NEDD4: variants seen among roughly 807,000 people sequenced by gnomAD.
NEDD4 encodes NEDD4 E3 ubiquitin protein ligase.
Under a neutral mutation model 144.9 loss-of-function variants are expected in NEDD4, and 99 were observed. The observed-to-expected ratio is 0.68, with a 90% CI of 0.58 to 0.81. NEDD4 has a LOEUF of 0.81. NEDD4 is among the 30% of genes least tolerant of loss of function. The pLI, the probability that NEDD4 is intolerant of heterozygous loss-of-function variation, is 0.00. For missense variants in NEDD4, 985 were observed against 1,065.9 expected (o/e 0.92, Z 1.06); for synonymous variants, 318 against 350.6 (o/e 0.91, Z 1.04).
intron 5 of NEDD4, chr15:55,915,379 G>A: frequency 6.2e-7 from 1 of 1,613,636 alleles, no homozygotes; most frequent in Non-Finnish European, 8.5e-7. Context: ...AACTTTATGA[G>A]TAACTGAGAT....
chr15:55,887,189 C>A (rs909891474), intron 5 of NEDD4, among the ~76,000 whole-genome samples: 4 of 151,674 alleles, frequency 2.6e-5, no homozygotes, highest in Non-Finnish European at 4.4e-5. Context: ...GAAAATGACA[C>A]AAAAGACCAA....
intron 5 of NEDD4, among the ~76,000 whole-genome samples, chr15:55,906,111 T>A (rs549346011): frequency 4.5e-4 from 69 of 152,132 alleles, no homozygotes; most frequent in African/African-American, 8.7e-4. Context: ...AGAATGGCGA[T>A]CATTAAAAAG....
intron 1 of NEDD4, among the ~76,000 whole-genome samples, chr15:55,967,216 G>C (rs140978429): frequency 6.6e-6 from 1 of 152,004 alleles, no homozygotes; most frequent in Admixed American, 6.6e-5. Context: ...ACTTAGAAAA[G>C]GTTATTTTTT....
intron 5 of NEDD4, among the ~76,000 whole-genome samples, chr15:55,903,845 C>CACATATAT (rs1162581511): frequency 4.9e-5 from 6 of 122,324 alleles, no homozygotes; most frequent in Admixed American, 9.0e-5. Flanking sequence ...AAAAAACACA[C>CACATATAT]ATATATATAT....
intron 5 of NEDD4, among the ~76,000 whole-genome samples, chr15:55,898,155 C>T (rs1485409570): frequency 2.6e-5 from 4 of 152,098 alleles, no homozygotes; most frequent in Non-Finnish European, 5.9e-5. Context: ...CACAATGTTC[C>T]AAAAGGAAGG....
chr15:55,923,904 G>A (rs2036616574), intron 5 of NEDD4, among the ~76,000 whole-genome samples: 1 of 151,790 alleles, frequency 6.6e-6, no homozygotes, highest in Non-Finnish European at 1.5e-5. Context: ...TCTGGTGCTT[G>A]TAACTGATAA....
At chr15:55,978,403 T>C (rs1360624262) in intron 1 of NEDD4, among the ~76,000 whole-genome samples, 2 of 152,258 alleles carry the variant, frequency 1.3e-5, no homozygotes, top group Non-Finnish European at 2.9e-5. Context: ...TTTATGATTT[T>C]ATTCTAGAGA....
At position 55,883,694 on chromosome 15, in the gene NEDD4, C is replaced by A. The variant is rs78862027; in HGVS notation, c.292-9686G>T. On this transcript the variant is annotated intron_variant, in intron 5 of 28. Transcript: ENST00000435532. ...AGGCATCTCAACACACACACACACA[C>A]AAACACACACACACACACACACACA... Among the ~76,000 whole-genome samples, 76 of 50,592 alleles carry A rather than the reference C, an allele frequency of 1.5e-3. 1 individual carries two copies. In the South Asian group the frequency reaches 0.026, roughly 17 times the overall value. 33.2% of individuals were successfully genotyped at this position (50,592 alleles called of 152,430 possible).
At chr15:55,966,651 T>A in intron 1 of NEDD4, 105 bp from the exon 2 acceptor site, 1 of 483,238 alleles carries the variant, frequency 2.1e-6, no homozygotes, top group Non-Finnish European at 3.5e-6. Context: ...ATATTAAAAT[T>A]AATTGAAGAA....
rs760926456 is a variant in NEDD4 at position 55,860,397 on chromosome 15, A to T, written c.960+10T>A. On this transcript the variant is annotated intron_variant, in intron 11 of 28. Transcript: ENST00000435532. The stretch of plus-strand genomic sequence containing the variant: ...TACTGAAGCCGTAACAAAATCTAAG[A>T]GCATCTTACTGAGCTCGATGCTGGC... 6.2e-7 allele frequency: 1 copy of T among 1,613,048 alleles called. No individual in the cohort carries two copies. The highest frequency in any genetic ancestry group is 1.7e-5 in the Admixed American group (1 of 59,790).
At chr15:55,860,339 GT>G in intron 11 of NEDD4, 67 bp downstream of exon 11, 1 of 1,469,416 alleles carries the variant, frequency 6.8e-7, no homozygotes, top group Middle Eastern at 1.8e-4. Flanking sequence ...ATAAAAGTTA[GT>G]TGTTGAATAG....
intron 5 of NEDD4, among the ~76,000 whole-genome samples, chr15:55,910,101 T>C (rs1369353281): frequency 6.6e-6 from 1 of 152,224 alleles, no homozygotes; most frequent in East Asian, 1.9e-4. Context: ...AAAAAGAGAC[T>C]GTACTCTCCC....
At chr15:55,943,294 A>G (rs1416672782) in intron 4 of NEDD4, among the ~76,000 whole-genome samples, 1 of 152,260 alleles carries the variant, frequency 6.6e-6, no homozygotes, top group Non-Finnish European at 1.5e-5. Flanking sequence ...CTGAATGTTC[A>G]TAGCCAAGAC....
At chr15:55,988,498 A>G (rs1291923875) in intron 1 of NEDD4, among the ~76,000 whole-genome samples, 2 of 148,346 alleles carry the variant, frequency 1.3e-5, no homozygotes, top group Non-Finnish European at 3.0e-5. Context: ...AAAAAAAAAA[A>G]AAAAAAAAGA....
chr15:55,927,096 A>AG (rs2036686570), intron 4 of NEDD4, among the ~76,000 whole-genome samples: 1 of 142,818 alleles, frequency 7.0e-6, no homozygotes, highest in African/African-American at 2.6e-5. Context: ...AAAAAAAAAA[A>AG]AAAGAAAGAA....
At chr15:55,974,263 T>C (rs1791086517) in intron 1 of NEDD4, among the ~76,000 whole-genome samples, 1 of 152,152 alleles carries the variant, frequency 6.6e-6, no homozygotes, top group Admixed American at 6.6e-5. Flanking sequence ...ATAATGAGGT[T>C]GAAGCTGTAG....
chr15:55,871,357 A>C (rs1371152186), intron 7 of NEDD4, among the ~76,000 whole-genome samples: 2 of 152,232 alleles, frequency 1.3e-5, no homozygotes, highest in African/African-American at 4.8e-5. Flanking sequence ...TACATTTTCT[A>C]TCTGAATAAA....
At chr15:55,832,515 A>T (rs1041211471) in intron 27 of NEDD4, among the ~76,000 whole-genome samples, 9 of 152,120 alleles carry the variant, frequency 5.9e-5, no homozygotes, top group Non-Finnish European at 1.2e-4. Flanking sequence ...CCTGGGTTCA[A>T]GCAATTCTCC....
At chr15:55,830,748 G>T (rs1241297775) in intron 27 of NEDD4, among the ~76,000 whole-genome samples, 162 bp from the exon 28 acceptor site, 1 of 152,180 alleles carries the variant, frequency 6.6e-6, no homozygotes, top group Admixed American at 6.5e-5. Context: ...CACCCAGACT[G>T]GAGTGCAGTG....
Sources: gnomAD v4.1 joint callset for allele counts (sites outside exome capture counted in the v4.1 genomes callset) on GRCh38, gnomAD v4.1.1 for gene constraint, MANE v1.5 for transcripts, NCBI Gene and HGNC (gene_info 2026-07-23, HGNC 2026-07-21) for gene names.